TBL1XR1: variants seen among roughly 807,000 people sequenced by gnomAD.
The protein encoded by TBL1XR1 is TBL1X/Y related 1, also known as F-box-like/WD repeat-containing protein TBL1XR1.
A neutral mutation model predicts 66.9 loss-of-function variants in TBL1XR1; 5 were observed. The observed-to-expected ratio is 0.07, with a 90% CI of 0.04 to 0.16. The LOEUF (loss-of-function observed/expected upper bound fraction) is 0.16, where lower values mean the gene tolerates loss of function less well. Ranked by LOEUF, TBL1XR1 falls within the 10% of genes least tolerant of loss-of-function variation. The pLI, the probability that TBL1XR1 is intolerant of heterozygous loss-of-function variation, is 1.00. For missense variants in TBL1XR1, 238 were observed against 623.2 expected (o/e 0.38, Z 6.58); for synonymous variants, 210 against 206.0 (o/e 1.02, Z -0.17).
intron 1 of TBL1XR1, among the ~76,000 whole-genome samples, chr3:177,156,327 C>A (rs764484549): frequency 6.6e-6 from 1 of 151,364 alleles, no homozygotes; most frequent in Admixed American, 6.6e-5. Flanking sequence ...GCAAAACCCC[C>A]GTCTCTACTG....
rs540898707 is a variant in TBL1XR1 at position 177,197,188 on chromosome 3, T to TCGC, written c.-192_-190dup. On this transcript the variant is annotated 5_prime_UTR_variant, in exon 1 of 16. Transcript: ENST00000457928. ...TGGAGGCACAAGGAAATTCCCCTCC[T>TCGC]CGCCGCCGCCGCCACCGCCTCCAAC... 5.2e-3 allele frequency: 790 copies of TCGC among 153,368 alleles called. 7 individuals carry two copies. The highest frequency in any genetic ancestry group is 0.018 in the African/African-American group (745 of 41,222). 9.5% of individuals were successfully genotyped at this position (153,368 alleles called of 1,614,324 possible). A position where few individuals can be genotyped will look rare whatever the true frequency, so the allele number is the denominator to read the frequency against.
intron 1 of TBL1XR1, among the ~76,000 whole-genome samples, chr3:177,100,765 A>G (rs1238981992): frequency 1.3e-5 from 2 of 151,790 alleles, no homozygotes; most frequent in African/African-American, 4.8e-5. Flanking sequence ...ATAATCCCTA[A>G]TTTTTTTCAG....
intron 14 of TBL1XR1, 106 bp from the exon 15 acceptor site, chr3:177,026,580 G>A: frequency 2.6e-6 from 2 of 762,142 alleles, no homozygotes; most frequent in Non-Finnish European, 4.0e-6. Flanking sequence ...AATCAGAGGA[G>A]GGACTTAGCT....
chr3:177,140,708 C>T (rs1729533598), intron 1 of TBL1XR1, among the ~76,000 whole-genome samples: 1 of 152,094 alleles, frequency 6.6e-6, no homozygotes, highest in African/African-American at 2.4e-5. Flanking sequence ...CCTTTAATAA[C>T]AAGTTAAATG....
At chr3:177,027,471 A>G (rs2108382478) in intron 14 of TBL1XR1, 1 of 152,344 alleles carries the variant, frequency 6.6e-6, no homozygotes, top group East Asian at 1.9e-4. Flanking sequence ...CTCCTATGAA[A>G]CCAGTCAATA....
intron 7 of TBL1XR1, among the ~76,000 whole-genome samples, chr3:177,049,080 G>A (rs1468192060): frequency 2.0e-5 from 3 of 152,148 alleles, no homozygotes; most frequent in Non-Finnish European, 4.4e-5. Context: ...GGCAATTTTG[G>A]AAGAAAATGC....
At chr3:177,188,095 C>A (rs1445995873) in intron 1 of TBL1XR1, among the ~76,000 whole-genome samples, 5 of 151,860 alleles carry the variant, frequency 3.3e-5, no homozygotes, top group African/African-American at 1.2e-4. Context: ...CCACACCCGG[C>A]TAATTTCTGT....
In TBL1XR1 at chr3:177,036,835, C is replaced by T. The variant is rs548645130; in HGVS notation, c.1122+1263G>A. Among the ~76,000 whole-genome samples the T allele has an allele frequency of 9.2e-5, 14 of 152,296 alleles. 1 individual carries two copies. In the South Asian group the frequency reaches 2.3e-3, roughly 25 times the overall value. On this transcript the variant is annotated intron_variant, in intron 12 of 15. Transcript: ENST00000457928. ...TCCCTCATGATTTTCATATCTGTAA[C>T]GGTCATCACATCTGCAGTCCTTGGT...
chr3:177,086,165 TAA>T (rs1722092045), intron 2 of TBL1XR1, among the ~76,000 whole-genome samples: 1 of 151,254 alleles, frequency 6.6e-6, no homozygotes, highest in African/African-American at 2.4e-5. Context: ...ATGAAAAAGT[TAA>T]AAAGAAACAG....
intron 2 of TBL1XR1, among the ~76,000 whole-genome samples, chr3:177,081,737 T>C (rs1721418497): frequency 1.5e-5 from 1 of 68,694 alleles, no homozygotes; most frequent in African/African-American, 6.3e-5. Flanking sequence ...GGCAAGACCC[T>C]GACTTCAAAA....
chr3:177,109,305 A>G (rs1357071296), intron 1 of TBL1XR1, among the ~76,000 whole-genome samples: 2 of 152,196 alleles, frequency 1.3e-5, no homozygotes, highest in Non-Finnish European at 2.9e-5. Flanking sequence ...AACTCTCTCC[A>G]TTAGAAATGC....
At chr3:177,119,012 C>T (rs9819665) in intron 1 of TBL1XR1, among the ~76,000 whole-genome samples, 8,677 of 152,036 alleles carry the variant, frequency 0.057, 300 homozygotes, top group Middle Eastern at 0.095. Context: ...ACTCTTGTAC[C>T]CCAGGCTGGA....
Position 177,051,534 on chromosome 3 carries a change from C to T in TBL1XR1, c.397G>A (p.Gly133Arg), listed in dbSNP as rs1560118272. 1 of 1,613,330 alleles carries T rather than the reference C, an allele frequency of 6.2e-7. No individual in the cohort carries two copies. Among genetic ancestry groups the T allele is most frequent in the South Asian group, 1.1e-5 (1 of 91,040 alleles). Residue 133 changes from glycine to arginine, a missense_variant, in exon 5 of 16, where the codon GGG becomes AGG. Gly to Arg is a moderately radical substitution (Grantham distance 125). Transcript: ENST00000457928. ...ATAGTATGTGCTCCATTCTCCTCCC[C>T]ATTTGCTGTGTTTTCTCCATTTTTT... ...SAKNGENTAN[G>R]EENGAHTIAN...
chr3:177,185,606 C>CAAA (rs67181434), intron 1 of TBL1XR1, among the ~76,000 whole-genome samples: 4 of 145,112 alleles, frequency 2.8e-5, no homozygotes, highest in Admixed American at 6.9e-5. Context: ...AGACTGTTTC[C>CAAA]AAAAAAAAAA....
At chr3:177,113,418 A>G (rs1725903511) in intron 1 of TBL1XR1, among the ~76,000 whole-genome samples, 1 of 152,194 alleles carries the variant, frequency 6.6e-6, no homozygotes, top group African/African-American at 2.4e-5. Context: ...AGAAAGCAAT[A>G]AACAGAGAAA....
intron 1 of TBL1XR1, among the ~76,000 whole-genome samples, chr3:177,112,093 ATATATATATATATATTT>A (rs1275952642): frequency 1.8e-4 from 9 of 49,646 alleles, no homozygotes; most frequent in African/African-American, 9.4e-4. Context: ...ATATATATAT[ATATATATATATATATTT>A]TTTTTTTTTT....
intron 1 of TBL1XR1, among the ~76,000 whole-genome samples, chr3:177,145,964 C>T (rs895096652): frequency 6.6e-6 from 1 of 152,182 alleles, no homozygotes; most frequent in Non-Finnish European, 1.5e-5. Context: ...AATTTGCATT[C>T]CTGAAAGAAT....
intron 1 of TBL1XR1, among the ~76,000 whole-genome samples, chr3:177,176,604 G>A (rs1734183183): frequency 6.6e-6 from 1 of 151,202 alleles, no homozygotes; most frequent in South Asian, 2.1e-4. Context: ...CCTGAGGTCA[G>A]GAGTTCGAGA....
intron 3 of TBL1XR1, 111 bp from the exon 4 acceptor site, chr3:177,054,029 AAT>A: frequency 8.3e-7 from 1 of 1,204,422 alleles, no homozygotes; most frequent in East Asian, 2.4e-5. Context: ...ACCCATTTAA[AAT>A]CCCAGACGAA....
Sources: gnomAD v4.1 joint callset for allele counts (sites outside exome capture counted in the v4.1 genomes callset) on GRCh38, gnomAD v4.1.1 for gene constraint, MANE v1.5 for transcripts, NCBI Gene and HGNC (gene_info 2026-07-23, HGNC 2026-07-21) for gene names.